The following BNC2 variants were observed in gnomAD, a reference collection of about 807,000 sequenced individuals.
BNC2 encodes zinc finger protein basonuclin-2.
A neutral mutation model predicts 76.3 loss-of-function variants in BNC2; 20 were observed. That is an observed-to-expected ratio of 0.26 (90% confidence interval 0.18 to 0.38). The LOEUF (loss-of-function observed/expected upper bound fraction) is 0.38. Among genes scored for constraint, BNC2 ranks in the 10% least tolerant of loss-of-function variants. The pLI is 1.00. For synonymous variants in BNC2, 582 were observed against 514.8 expected, an observed-to-expected ratio of 1.13 and a Z score of -1.77; for missense variants, 1,382 against 1,399.8, an observed-to-expected ratio of 0.99 and a Z score of 0.20.
intron 1 of BNC2, among the ~76,000 whole-genome samples, chr9:16,827,184 G>A (rs1208005851): frequency 1.3e-5 from 2 of 152,224 alleles, no homozygotes; most frequent in Non-Finnish European, 2.9e-5. Context: ...ATTCTAACTT[G>A]TGCTCAGTCT....
chr9:16,416,643 T>C lies in BNC2; in HGVS notation c.*2346A>G, dbSNP rs902503377. 3 of 152,650 alleles carry C rather than the reference T, an allele frequency of 2.0e-5. No individual in the cohort carries two copies. Among genetic ancestry groups the C allele is most frequent in the Non-Finnish European group, 4.4e-5 (3 of 68,036 alleles). 9.5% of individuals were successfully genotyped at this position (152,650 alleles called of 1,614,324 possible). A position where few individuals can be genotyped will look rare whatever the true frequency, so the allele number is the denominator to read the frequency against. The stretch of plus-strand genomic sequence containing the variant: ...ACATAGTGTTTGATATAGTTTCTTT[T>C]GTACTGCAAATACTTTTGGTCTTTC... On this transcript the variant is annotated 3_prime_UTR_variant, in exon 7 of 7. Transcript: ENST00000380672.
intron 1 of BNC2, among the ~76,000 whole-genome samples, chr9:16,756,200 C>G (rs1825379897): frequency 6.6e-6 from 1 of 152,184 alleles, no homozygotes; most frequent in South Asian, 2.1e-4. Context: ...AGATATCTTA[C>G]ATACCTGCAA....
chr9:16,685,242 T>A (rs1822940653), intron 3 of BNC2, among the ~76,000 whole-genome samples: 1 of 152,250 alleles, frequency 6.6e-6, no homozygotes, highest in African/African-American at 2.4e-5. Flanking sequence ...TAAGGTTCAC[T>A]TAAATTAAGT....
intron 5 of BNC2, among the ~76,000 whole-genome samples, chr9:16,463,581 C>G (rs1240795189): frequency 7.0e-6 from 1 of 143,742 alleles, no homozygotes; most frequent in African/African-American, 3.0e-5. Context: ...CAGGCGTGAG[C>G]CACCGCGCCC....
At chr9:16,833,872 C>G (rs976883745) in intron 1 of BNC2, among the ~76,000 whole-genome samples, 3 of 152,180 alleles carry the variant, frequency 2.0e-5, no homozygotes. Flanking sequence ...TACCAGCTCA[C>G]CAGCATTACT....
At chr9:16,514,940 T>A (rs890690622) in intron 5 of BNC2, among the ~76,000 whole-genome samples, 1 of 152,200 alleles carries the variant, frequency 6.6e-6, no homozygotes. Flanking sequence ...AACCACCACA[T>A]TGATTACTGA....
intron 3 of BNC2, chr9:16,664,991 C>A: frequency 2.2e-6 from 1 of 452,068 alleles, no homozygotes; most frequent in Admixed American, 2.4e-5. Context: ...ATGGCAGAAG[C>A]AGGGAAGTGC....
intron 1 of BNC2, among the ~76,000 whole-genome samples, chr9:16,765,625 A>T (rs577319080): frequency 6.6e-6 from 1 of 152,174 alleles, no homozygotes; most frequent in East Asian, 1.9e-4. Context: ...TTTAAAACCA[A>T]CCCCAAACTC....
intron 3 of BNC2, among the ~76,000 whole-genome samples, chr9:16,599,732 G>A (rs558718882): frequency 2.1e-4 from 32 of 152,296 alleles, no homozygotes; most frequent in African/African-American, 6.7e-4. Flanking sequence ...GCAGTGAACC[G>A]AGATCACGCC....
chr9:16,737,236 GCCT>G, intron 2 of BNC2, among the ~76,000 whole-genome samples: 1 of 123,482 alleles, frequency 8.1e-6, no homozygotes, highest in South Asian at 2.6e-4. Context: ...ACCACACCTG[GCCT>G]TTTTTTTTTT....
intron 1 of BNC2, among the ~76,000 whole-genome samples, chr9:16,793,860 GTTTTTTTGTT>G (rs1478849988): frequency 1.0e-5 from 1 of 97,352 alleles, no homozygotes; most frequent in African/African-American, 3.9e-5. Context: ...TGTGGTTTTT[GTTTTTTTGTT>G]TTTTTTTTTT....
chr9:16,519,434 TAG>T (rs1184618872), intron 5 of BNC2, among the ~76,000 whole-genome samples: 1 of 152,158 alleles, frequency 6.6e-6, no homozygotes, highest in Non-Finnish European at 1.5e-5. Context: ...TCTTCGGATG[TAG>T]AGATGTGTTC....
At chr9:16,844,713 G>T (rs983924845) in intron 1 of BNC2, among the ~76,000 whole-genome samples, 1 of 152,016 alleles carries the variant, frequency 6.6e-6, no homozygotes, top group Non-Finnish European at 1.5e-5. Context: ...TGGCCAGGCT[G>T]GTCTCGGACT....
At chr9:16,760,231 T>C (rs1383483944) in intron 1 of BNC2, among the ~76,000 whole-genome samples, 1 of 152,002 alleles carries the variant, frequency 6.6e-6, no homozygotes, top group African/African-American at 2.4e-5. Flanking sequence ...TCAAGGTGAG[T>C]AGTATTTTTC....
intron 1 of BNC2, among the ~76,000 whole-genome samples, chr9:16,801,472 G>A (rs1281464998): frequency 1.3e-5 from 2 of 151,256 alleles, no homozygotes; most frequent in South Asian, 2.1e-4. Flanking sequence ...TCGTGACCTC[G>A]TGATCTACCC....
chr9:16,629,949 C>T (rs1821113164), intron 3 of BNC2, among the ~76,000 whole-genome samples: 2 of 152,186 alleles, frequency 1.3e-5, no homozygotes, highest in South Asian at 4.1e-4. Context: ...CATCAATTGA[C>T]TCTTCCATTC....
At chr9:16,727,043 G>A in intron 3 of BNC2, 1 of 152,266 alleles carries the variant, frequency 6.6e-6, no homozygotes, top group East Asian at 1.9e-4. Context: ...CCAGCAAGCC[G>A]AACGCCTCCA....
At chr9:16,608,674 T>C (rs917033938) in intron 3 of BNC2, among the ~76,000 whole-genome samples, 12 of 152,070 alleles carry the variant, frequency 7.9e-5, no homozygotes, top group Non-Finnish European at 1.5e-4. Flanking sequence ...TTCCAAAATA[T>C]ATGGCTCCCA....
intron 1 of BNC2, among the ~76,000 whole-genome samples, chr9:16,831,327 G>C (rs1318030282): frequency 2.6e-5 from 4 of 152,206 alleles, no homozygotes; most frequent in African/African-American, 9.6e-5. Context: ...AGATGGATGA[G>C]CTTCAATGAC....
Sources: gnomAD v4.1 joint callset for allele counts (sites outside exome capture counted in the v4.1 genomes callset) on GRCh38, gnomAD v4.1.1 for gene constraint, MANE v1.5 for transcripts, NCBI Gene and HGNC (gene_info 2026-07-23, HGNC 2026-07-21) for gene names.